CFAP53: variants seen among roughly 807,000 people sequenced by gnomAD.
CFAP53 encodes the protein cilia- and flagella-associated protein 53.
In CFAP53, 62 loss-of-function variants were observed where a neutral mutation model predicts 59.7. That is an observed-to-expected ratio of 1.04 (90% CI 0.85 to 1.28). CFAP53 has a LOEUF of 1.28. Among genes scored for constraint, CFAP53 ranks in the 50% most tolerant of loss-of-function variants. CFAP53 has a pLI of 0.00. For synonymous variants in CFAP53, 218 were observed against 205.7 expected, an observed-to-expected ratio of 1.06 and a Z score of -0.51; for missense variants, 629 against 615.6, an observed-to-expected ratio of 1.02 and a Z score of -0.23.
intron 3 of CFAP53, among the ~76,000 whole-genome samples, chr18:50,260,222 A>C (rs2144434240): frequency 6.6e-6 from 1 of 152,308 alleles, no homozygotes; most frequent in Non-Finnish European, 1.5e-5. Context: ...CAACCACAGT[A>C]CCAGATTGAG....
rs544478934 is a variant in CFAP53 at position 50,254,904 on chromosome 18, A to T, written c.474-3120T>A. Among the ~76,000 whole-genome samples, 6 of 152,298 alleles carry T rather than the reference A, an allele frequency of 3.9e-5. No individual in the cohort carries two copies. The South Asian group carries it at 1.2e-3, about 32-fold the overall frequency. On this transcript the variant is annotated intron_variant, in intron 3 of 7. Transcript: ENST00000398545. The stretch of plus-strand genomic sequence containing the variant: ...GAAACTCTGTCTCAAACAAAACAAA[A>T]CAAATTTGCATATGATCCAGCAATA...
At chr18:50,249,240 G>A (rs1487470654) in intron 5 of CFAP53, among the ~76,000 whole-genome samples, 1 of 149,440 alleles carries the variant, frequency 6.7e-6, no homozygotes, top group African/African-American at 2.5e-5. Flanking sequence ...AAAGAAGGCT[G>A]GGTGCAGTGG....
chr18:50,255,138 C>T (rs8098201), intron 3 of CFAP53, among the ~76,000 whole-genome samples: 316 of 152,306 alleles, frequency 2.1e-3, no homozygotes, highest in African/African-American at 7.1e-3. Context: ...ATACCTCCAA[C>T]AACTTGGATG....
At chr18:50,243,734 G>T (rs1045250657) in intron 5 of CFAP53, among the ~76,000 whole-genome samples, 1 of 152,028 alleles carries the variant, frequency 6.6e-6, no homozygotes, top group Non-Finnish European at 1.5e-5. Flanking sequence ...GGTGGATCAC[G>T]AGGTCAGGAG....
At chr18:50,240,311 T>C (rs2033678481) in intron 6 of CFAP53, among the ~76,000 whole-genome samples, 1 of 151,834 alleles carries the variant, frequency 6.6e-6, no homozygotes, top group Admixed American at 6.6e-5. Flanking sequence ...TCATTCTGAT[T>C]ACCTGCTCCA....
rs2033708359 is a variant in CFAP53 at position 50,243,111 on chromosome 18, A to G, written c.1002T>C (p.Asp334=). Reference sequence around the variant, plus strand: ...GGTATATCTTCTGTTCTCTTATCATATCTTCCTATGTAACATAAAAATTCA... The same window carrying G: ...GGTATATCTTCTGTTCTCTTATCATGTCTTCCTATGTAACATAAAAATTCA... ...EADKKKQKRE[D]MIREQKIYHK... Residue 334 remains aspartate, a synonymous_variant, in exon 6 of 8, where the codon GAT becomes GAC. Coordinates refer to ENST00000398545, the MANE Select transcript of CFAP53 (RefSeq NM_145020.5). The G allele has an allele frequency of 6.2e-7, 1 of 1,607,794 alleles. No individual in the cohort carries two copies. The highest frequency in any genetic ancestry group is 1.7e-5 in the Admixed American group (1 of 59,952).
intron 6 of CFAP53, among the ~76,000 whole-genome samples, chr18:50,240,549 C>T (rs1273908290): frequency 4.6e-5 from 7 of 152,180 alleles, no homozygotes; most frequent in South Asian, 2.1e-4. Flanking sequence ...GATGTGCTCT[C>T]GCTATTGTTC....
chr18:50,230,778 A>G (rs2033575740), intron 7 of CFAP53, among the ~76,000 whole-genome samples: 1 of 152,164 alleles, frequency 6.6e-6, no homozygotes, highest in Non-Finnish European at 1.5e-5. Context: ...GGGTCTGGAG[A>G]ATCAGAGAAT....
At chr18:50,235,540 C>T (rs1378794502) in intron 7 of CFAP53, among the ~76,000 whole-genome samples, 2 of 135,566 alleles carry the variant, frequency 1.5e-5, no homozygotes, top group Non-Finnish European at 3.5e-5. Context: ...TGCATTCCAG[C>T]CTTGACAAGA....
chr18:50,245,543 A>G (rs1452412407), intron 5 of CFAP53, among the ~76,000 whole-genome samples: 1 of 152,268 alleles, frequency 6.6e-6, no homozygotes, highest in African/African-American at 2.4e-5. Flanking sequence ...ACTTAGGAAT[A>G]AATTTAACAA....
chr18:50,245,326 G>A (rs2033733364), intron 5 of CFAP53, among the ~76,000 whole-genome samples: 1 of 148,280 alleles, frequency 6.7e-6, no homozygotes, highest in Non-Finnish European at 1.5e-5. Context: ...AGCTTGCAGT[G>A]AGCCGAGATT....
chr18:50,228,646 C>T (rs1291474223), intron 7 of CFAP53, among the ~76,000 whole-genome samples: 1 of 151,744 alleles, frequency 6.6e-6, no homozygotes, highest in Non-Finnish European at 1.5e-5. Context: ...CAAAATTTAG[C>T]TGGGCATGGT....
chr18:50,229,748 TTTTTTC>T (rs2033561806), intron 7 of CFAP53, among the ~76,000 whole-genome samples: 1 of 150,184 alleles, frequency 6.7e-6, no homozygotes, highest in Non-Finnish European at 1.5e-5. Context: ...TTCTTTTTTT[TTTTTTC>T]AGACAGGGTC....
intron 5 of CFAP53, among the ~76,000 whole-genome samples, chr18:50,247,689 A>C (rs2033758120): frequency 6.6e-6 from 1 of 152,238 alleles, no homozygotes; most frequent in South Asian, 2.1e-4. Flanking sequence ...ACATTATGCT[A>C]AGTGAAAGAA....
At chr18:50,250,253 A>T (rs1364759624) in intron 5 of CFAP53, among the ~76,000 whole-genome samples, 2 of 150,792 alleles carry the variant, frequency 1.3e-5, no homozygotes, top group South Asian at 4.2e-4. Flanking sequence ...AGAGAGAGAG[A>T]AGTTTAATTA....
chr18:50,255,901 T>C (rs2033843345), intron 3 of CFAP53: 1 of 152,100 alleles, frequency 6.6e-6, no homozygotes, highest in Non-Finnish European at 1.5e-5. Context: ...TTCATTCTGC[T>C]TTATATTAAT....
chr18:50,245,954 G>A (rs931365723), intron 5 of CFAP53, among the ~76,000 whole-genome samples: 2 of 152,038 alleles, frequency 1.3e-5, no homozygotes, highest in African/African-American at 4.8e-5. Flanking sequence ...GCAATGACAC[G>A]ATCTCAGCTC....
chr18:50,258,457 A>C (rs950599188), intron 3 of CFAP53, among the ~76,000 whole-genome samples: 3 of 152,234 alleles, frequency 2.0e-5, no homozygotes, highest in African/African-American at 7.2e-5. Flanking sequence ...TCAAATCAAA[A>C]TAGATCCAAG....
Position 50,251,591 on chromosome 18 carries a change from G to A in CFAP53, c.667C>T (p.Gln223Ter). Residue 223 changes from glutamine (Q) to a stop codon, truncating the protein, a stop_gained, in exon 4 of 8, where the codon CAG becomes TAG. Coordinates refer to ENST00000398545, the MANE Select transcript of CFAP53 (RefSeq NM_145020.5). LOFTEE classifies it high-confidence loss of function. ...EKREAQEARR[Q>*]KELMENTRLG... ...CGTGTGTTCTCCATCAGCTCTTTCT[G>A]TCTCCTCGCCTCTTGGGCTTCTCGC... is the stretch of plus-strand genomic sequence containing the variant. The A allele has an allele frequency of 6.2e-7, 1 of 1,614,210 alleles. No individual in the cohort carries two copies.
Sources: gnomAD v4.1 joint callset for allele counts (sites outside exome capture counted in the v4.1 genomes callset) on GRCh38, gnomAD v4.1.1 for gene constraint, MANE v1.5 for transcripts, NCBI Gene and HGNC (gene_info 2026-07-23, HGNC 2026-07-21) for gene names.